Variants in FBXL17 observed in about 807,000 individuals in gnomAD.
FBXL17 encodes the protein F-box/LRR-repeat protein 17.
Under a neutral mutation model 66.2 loss-of-function variants are expected in FBXL17, and 22 were observed. The observed-to-expected ratio is 0.33, with a 90% CI of 0.24 to 0.47. The LOEUF is 0.47. Among genes scored for constraint, FBXL17 ranks in the 20% least tolerant of loss-of-function variants. The pLI, the probability that FBXL17 is intolerant of heterozygous loss-of-function variation, is 1.00. For missense variants in FBXL17, 878 were observed against 948.2 expected, an observed-to-expected ratio of 0.93 and a Z score of 0.97; for synonymous variants, 474 against 400.5, an observed-to-expected ratio of 1.18 and a Z score of -2.19.
intron 5 of FBXL17, among the ~76,000 whole-genome samples, chr5:108,206,752 T>A (rs979057030): frequency 6.6e-6 from 1 of 152,224 alleles, no homozygotes; most frequent in East Asian, 1.9e-4. Flanking sequence ...ATATACCAGA[T>A]TGTTTATACA....
chr5:108,372,290 G>C (rs984213113), intron 1 of FBXL17, among the ~76,000 whole-genome samples: 65 of 152,152 alleles, frequency 4.3e-4, no homozygotes, highest in African/African-American at 1.5e-3. Flanking sequence ...CATACATGTG[G>C]AACCCCACCA....
At chr5:107,949,183 TAA>T (rs11380062) in intron 7 of FBXL17, among the ~76,000 whole-genome samples, 1 of 142,100 alleles carries the variant, frequency 7.0e-6, no homozygotes. Flanking sequence ...ATGCACTTCA[TAA>T]AAAAAAAAAA....
chr5:107,867,334 C>T (rs1381183295), intron 8 of FBXL17, among the ~76,000 whole-genome samples: 1 of 152,210 alleles, frequency 6.6e-6, no homozygotes, highest in African/African-American at 2.4e-5. Flanking sequence ...TTTGCTGGGT[C>T]ATGTGGCTGT....
chr5:108,332,667 G>A (rs1310355111), intron 4 of FBXL17, among the ~76,000 whole-genome samples: 1 of 152,056 alleles, frequency 6.6e-6, no homozygotes, highest in East Asian at 1.9e-4. Context: ...GAGTGCAGCG[G>A]CTTGATCTCA....
At position 107,861,684 on chromosome 5, in the gene FBXL17, C is replaced by T; in HGVS notation, c.*36G>A. 1.3e-6 allele frequency: 2 copies of T among 1,521,214 alleles called. No homozygotes were observed. The highest frequency in any genetic ancestry group is 8.9e-7 in the Non-Finnish European group (1 of 1,129,388). The allele number at this position is 1,521,214 out of a possible 1,614,324, so 94.2% of individuals were successfully genotyped here. On this transcript the variant is annotated 3_prime_UTR_variant, in exon 9 of 9. Transcript: ENST00000542267. ...AAATGTACAATTCTCCTCTGCTCTG[C>T]TGAATGATCCCAGTGGACTAGGCGA... is the stretch of plus-strand genomic sequence containing the variant.
At chr5:108,110,623 T>C (rs1030962926) in intron 6 of FBXL17, among the ~76,000 whole-genome samples, 2 of 152,202 alleles carry the variant, frequency 1.3e-5, no homozygotes, top group Admixed American at 6.5e-5. Context: ...TTTTCGATGC[T>C]GAGTAATGTA....
At chr5:108,084,735 C>A (rs1280330496) in intron 6 of FBXL17, among the ~76,000 whole-genome samples, 1 of 152,138 alleles carries the variant, frequency 6.6e-6, no homozygotes, top group Non-Finnish European at 1.5e-5. Flanking sequence ...AAGTGTCAGC[C>A]TGCAATCTCA....
intron 1 of FBXL17, among the ~76,000 whole-genome samples, chr5:108,368,237 A>G (rs909523272): frequency 3.9e-5 from 6 of 152,064 alleles, no homozygotes; most frequent in Admixed American, 2.0e-4. Context: ...TATTTAAAAA[A>G]AAAAGAATTG....
intron 7 of FBXL17, among the ~76,000 whole-genome samples, chr5:107,980,195 G>C (rs1752753299): frequency 6.6e-6 from 1 of 151,980 alleles, no homozygotes; most frequent in African/African-American, 2.4e-5. Flanking sequence ...TACAGCTAAA[G>C]TAAAGTGGCA....
At chr5:107,971,441 T>C (rs1473494247) in intron 7 of FBXL17, among the ~76,000 whole-genome samples, 1 of 152,228 alleles carries the variant, frequency 6.6e-6, no homozygotes, top group Non-Finnish European at 1.5e-5. Flanking sequence ...TTCTGTGGTA[T>C]TAGCATGTAT....
intron 6 of FBXL17, among the ~76,000 whole-genome samples, chr5:108,147,480 G>A (rs1341712999): frequency 6.6e-6 from 1 of 152,076 alleles, no homozygotes; most frequent in Non-Finnish European, 1.5e-5. Flanking sequence ...GAGGTCAGGA[G>A]TTCTAGACCA....
At chr5:108,357,984 T>C (rs1172579130) in intron 3 of FBXL17, among the ~76,000 whole-genome samples, 1 of 152,102 alleles carries the variant, frequency 6.6e-6, no homozygotes, top group Non-Finnish European at 1.5e-5. Flanking sequence ...TTCTATTTCT[T>C]TTGGGGTGTG....
intron 4 of FBXL17, among the ~76,000 whole-genome samples, chr5:108,303,842 T>C (rs78677993): frequency 0.017 from 2,557 of 152,052 alleles, 71 homozygotes; most frequent in African/African-American, 0.056. Context: ...TAATAGAATG[T>C]ATGCTTGTAT....
At chr5:108,026,536 T>C (rs1456142279) in intron 6 of FBXL17, among the ~76,000 whole-genome samples, 2 of 152,226 alleles carry the variant, frequency 1.3e-5, no homozygotes, top group African/African-American at 4.8e-5. Context: ...AGAAAAATTC[T>C]TTTTTAAAGG....
At chr5:108,204,613 A>G (rs1229618814) in intron 5 of FBXL17, among the ~76,000 whole-genome samples, 3 of 152,188 alleles carry the variant, frequency 2.0e-5, no homozygotes, top group Non-Finnish European at 2.9e-5. Flanking sequence ...TTTGAACTAC[A>G]TGTAAAAATA....
chr5:108,026,573 AT>A (rs1754834483), intron 6 of FBXL17, among the ~76,000 whole-genome samples: 1 of 152,236 alleles, frequency 6.6e-6, no homozygotes, highest in Non-Finnish European at 1.5e-5. Flanking sequence ...ATGCGAGAGC[AT>A]TTGCTCAAAG....
At chr5:107,966,677 G>A (rs1752153105) in intron 7 of FBXL17, among the ~76,000 whole-genome samples, 1 of 151,956 alleles carries the variant, frequency 6.6e-6, no homozygotes, top group Non-Finnish European at 1.5e-5. Context: ...AAATTTGTGT[G>A]GTAAAATGTA....
intron 4 of FBXL17, among the ~76,000 whole-genome samples, chr5:108,249,771 A>C (rs1204794791): frequency 6.6e-6 from 1 of 152,154 alleles, no homozygotes; most frequent in African/African-American, 2.4e-5. Context: ...TTTCTGGAAC[A>C]TGCTAGTAGA....
intron 4 of FBXL17, among the ~76,000 whole-genome samples, chr5:108,336,574 A>G (rs1760391496): frequency 6.6e-6 from 1 of 152,178 alleles, no homozygotes; most frequent in Non-Finnish European, 1.5e-5. Flanking sequence ...AAAATATATA[A>G]CAGGTAATCT....
Sources: allele counts gnomAD v4.1 joint callset (sites outside exome capture counted in the v4.1 genomes callset), GRCh38; gene constraint gnomAD v4.1.1; transcripts MANE v1.5; gene names NCBI Gene and HGNC (gene_info 2026-07-23, HGNC 2026-07-21).